The following MAGI1 variants were observed in gnomAD, a reference collection of about 807,000 sequenced individuals.
MAGI1 encodes the protein membrane associated guanylate kinase, WW and PDZ domain containing 1.
A neutral mutation model predicts 139.9 loss-of-function variants in MAGI1; 58 were observed. The ratio of observed to expected loss-of-function variants is 0.41; its 90% confidence interval spans 0.34 to 0.52. The LOEUF (loss-of-function observed/expected upper bound fraction) is 0.52, where lower values mean the gene tolerates loss of function less well. MAGI1 is among the 20% of genes least tolerant of loss of function. The probability of loss-of-function intolerance (pLI) is 0.12; values close to 1 mark genes in which losing one functional copy is unlikely to be tolerated. For missense variants in MAGI1, 1,874 were observed against 1,901.6 expected, an observed-to-expected ratio of 0.99 and a Z score of 0.27; for synonymous variants, 812 against 737.9, an observed-to-expected ratio of 1.10 and a Z score of -1.63.
At chr3:65,776,344 T>C (rs2038425949) in intron 1 of MAGI1, among the ~76,000 whole-genome samples, 1 of 151,442 alleles carries the variant, frequency 6.6e-6, no homozygotes, top group Non-Finnish European at 1.5e-5. Flanking sequence ...AATATTAATG[T>C]CAAAAAAAAG....
At chr3:65,780,481 C>A (rs1432843004) in intron 1 of MAGI1, among the ~76,000 whole-genome samples, 1 of 152,130 alleles carries the variant, frequency 6.6e-6, no homozygotes, top group Non-Finnish European at 1.5e-5. Context: ...ACAATGAGGT[C>A]CAAAACTATT....
chr3:65,815,984 G>A (rs972372168), intron 1 of MAGI1, among the ~76,000 whole-genome samples: 2 of 152,164 alleles, frequency 1.3e-5, no homozygotes, highest in Admixed American at 6.5e-5. Context: ...CTAAGTTCAG[G>A]AGACACTGAT....
At chr3:65,864,883 A>C (rs17074006) in intron 1 of MAGI1, among the ~76,000 whole-genome samples, 6,284 of 152,284 alleles carry the variant, frequency 0.041, 431 homozygotes, top group African/African-American at 0.14. Flanking sequence ...AAAGGCTGGC[A>C]GGGATAAAGA....
In MAGI1 at chr3:65,470,369, T is replaced by A; in HGVS notation, c.873A>T (p.Leu291=). Reference sequence around the variant, plus strand: ...CTAAATTATCCTCTGCAGAAAGAGGTAGGTATTGAGGGAACTTCTGAGAAG... The same window carrying A: ...CTAAATTATCCTCTGCAGAAAGAGGAAGGTATTGAGGGAACTTCTGAGAAG... ...TDPSQKFPQY[L]PLSAEDNLGP... is the part of the protein sequence containing the mutation. Residue 291 remains leucine, a synonymous_variant, in exon 5 of 23, where the codon CTA becomes CTT. Coordinates refer to ENST00000402939, the MANE Select transcript of MAGI1 (RefSeq NM_001033057.2). 1 of 1,613,330 alleles carries A rather than the reference T, an allele frequency of 6.2e-7. No individual in the cohort carries two copies. Among genetic ancestry groups the A allele is most frequent in the Non-Finnish European group, 8.5e-7 (1 of 1,179,526 alleles).
At chr3:65,434,208 T>G (rs4381883) in intron 10 of MAGI1, among the ~76,000 whole-genome samples, 139,120 of 152,158 alleles carry the variant, frequency 0.91, 64,228 homozygotes, top group East Asian at 0.99. Context: ...CCTCTCTGCC[T>G]GAGTATCACA....
intron 2 of MAGI1, among the ~76,000 whole-genome samples, chr3:65,570,607 C>A (rs2080911127): frequency 1.3e-5 from 2 of 152,072 alleles, no homozygotes; most frequent in Non-Finnish European, 2.9e-5. Context: ...TGTATGATAT[C>A]CAGGATTTGC....
intron 1 of MAGI1, among the ~76,000 whole-genome samples, chr3:65,726,791 C>T (rs556728997): frequency 3.9e-4 from 59 of 151,926 alleles, no homozygotes; most frequent in Admixed American, 1.0e-3. Flanking sequence ...TCTTATCCTA[C>T]GAGCATCTTG....
At chr3:65,929,156 A>AT (rs973887641) in intron 1 of MAGI1, among the ~76,000 whole-genome samples, 73 of 151,014 alleles carry the variant, frequency 4.8e-4, no homozygotes, top group African/African-American at 1.8e-3. Context: ...AATGCCGCAA[A>AT]AAAAAAGAAA....
chr3:65,921,782 A>T (rs1357048451), intron 1 of MAGI1, among the ~76,000 whole-genome samples: 2 of 152,040 alleles, frequency 1.3e-5, no homozygotes, highest in Non-Finnish European at 2.9e-5. Context: ...TGCTAGTAAA[A>T]GTTAAAGGAA....
chr3:66,013,209 G>C (rs926262612), intron 1 of MAGI1, among the ~76,000 whole-genome samples: 16 of 151,430 alleles, frequency 1.1e-4, no homozygotes, highest in Non-Finnish European at 2.2e-4. Context: ...TTTGAGACCA[G>C]CCTGACCAAC....
chr3:65,758,249 T>C (rs2036716666), intron 1 of MAGI1, among the ~76,000 whole-genome samples: 1 of 152,132 alleles, frequency 6.6e-6, no homozygotes, highest in Admixed American at 6.6e-5. Flanking sequence ...GCGGAGCATC[T>C]GGGGAGAGAA....
intron 2 of MAGI1, among the ~76,000 whole-genome samples, chr3:65,598,123 AT>A (rs2082311796): frequency 6.6e-6 from 1 of 151,972 alleles, no homozygotes; most frequent in Non-Finnish European, 1.5e-5. Flanking sequence ...TTCCATCTGT[AT>A]TTAAGCCGGG....
chr3:65,974,599 C>A (rs552561087), intron 1 of MAGI1, among the ~76,000 whole-genome samples: 20 of 152,292 alleles, frequency 1.3e-4, no homozygotes, highest in African/African-American at 4.1e-4. Flanking sequence ...TCTGGCTCAA[C>A]ATCTCTCACA....
chr3:66,030,039 C>T (rs1334602766), intron 1 of MAGI1, among the ~76,000 whole-genome samples: 1 of 152,098 alleles, frequency 6.6e-6, no homozygotes, highest in Non-Finnish European at 1.5e-5. Context: ...GAAATGTGAC[C>T]TTATCTCTGA....
chr3:65,974,893 G>A (rs1273155546), intron 1 of MAGI1, among the ~76,000 whole-genome samples: 1 of 152,166 alleles, frequency 6.6e-6, no homozygotes, highest in Non-Finnish European at 1.5e-5. Context: ...CAGACTGCAC[G>A]AAGGTGTAAA....
intron 1 of MAGI1, among the ~76,000 whole-genome samples, chr3:65,840,958 A>G (rs577605276): frequency 6.6e-6 from 1 of 152,266 alleles, no homozygotes; most frequent in Admixed American, 6.5e-5. Flanking sequence ...CAATTTCCTT[A>G]AAAATAATAG....
chr3:65,641,630 G>A (rs553322458), intron 1 of MAGI1, among the ~76,000 whole-genome samples: 2 of 152,312 alleles, frequency 1.3e-5, no homozygotes, highest in South Asian at 4.1e-4. Flanking sequence ...TGAACCAGGT[G>A]CAGAGAGTGG....
intron 2 of MAGI1, among the ~76,000 whole-genome samples, chr3:65,562,289 T>C (rs12631208): frequency 0.37 from 56,532 of 152,020 alleles, 11,931 homozygotes; most frequent in East Asian, 0.67. Flanking sequence ...GCAACAATTA[T>C]AGCTTATGAA....
intron 2 of MAGI1, among the ~76,000 whole-genome samples, chr3:65,620,878 G>A (rs2083632437): frequency 6.6e-6 from 1 of 152,182 alleles, no homozygotes; most frequent in Admixed American, 6.5e-5. Flanking sequence ...CTGATCTGTG[G>A]AGGTTATCAT....
Sources: gnomAD v4.1 joint callset for allele counts (sites outside exome capture counted in the v4.1 genomes callset) on GRCh38, gnomAD v4.1.1 for gene constraint, MANE v1.5 for transcripts, NCBI Gene and HGNC (gene_info 2026-07-23, HGNC 2026-07-21) for gene names.